AHI1: variants seen among roughly 807,000 people sequenced by gnomAD.
AHI1 encodes the protein Abelson helper integration site 1, also known as jouberin.
Under a neutral mutation model 149.3 loss-of-function variants are expected in AHI1, and 123 were observed. The observed-to-expected ratio is 0.82, with a 90% CI of 0.71 to 0.96. The LOEUF (loss-of-function observed/expected upper bound fraction) is 0.96, where lower values mean the gene tolerates loss of function less well. Ranked by LOEUF, AHI1 falls within the 40% of genes least tolerant of loss-of-function variation. The pLI is 0.00. For missense variants in AHI1, 1,439 were observed against 1,422.7 expected, an observed-to-expected ratio of 1.01 and a Z score of -0.18; for synonymous variants, 475 against 459.8, an observed-to-expected ratio of 1.03 and a Z score of -0.42.
intron 24 of AHI1, among the ~76,000 whole-genome samples, chr6:135,354,466 C>G (rs1300112299): frequency 6.6e-6 from 1 of 152,112 alleles, no homozygotes; most frequent in Non-Finnish European, 1.5e-5. Context: ...TGACTGTACA[C>G]TGAAAGGTAG....
chr6:135,490,088 T>C, intron 5 of AHI1: 1 of 694,458 alleles, frequency 1.4e-6, no homozygotes, highest in Non-Finnish European at 2.7e-6. Context: ...AGGTTGTAGT[T>C]AGTTGCTGAT....
chr6:135,447,812 G>C (rs1403811412), intron 12 of AHI1, among the ~76,000 whole-genome samples: 1 of 152,148 alleles, frequency 6.6e-6, no homozygotes, highest in Non-Finnish European at 1.5e-5. Flanking sequence ...GAAATCAGGA[G>C]TCTGCAAACT....
Position 135,358,169 on chromosome 6 carries a change from C to T in AHI1, c.3128G>A (p.Arg1043Lys). The T allele has an allele frequency of 6.2e-7, 1 of 1,612,868 alleles. No individual in the cohort carries two copies. The highest frequency in any genetic ancestry group is 8.5e-7 in the Non-Finnish European group (1 of 1,179,368). Residue 1043 changes from arginine to lysine, a missense_variant, in exon 24 of 29, where the codon AGA becomes AAA. By Grantham distance (26) the Arg-to-Lys change is conservative. Coordinates refer to ENST00000265602, the MANE Select transcript of AHI1 (RefSeq NM_001134831.2). ...ATCTACCTGATGGTTACAAGGCTTTCTTTCTATGCTGATAATCCCTGTGGA... is the reference window on the plus strand; with the variant it reads ...ATCTACCTGATGGTTACAAGGCTTTTTTTCTATGCTGATAATCCCTGTGGA... ...FTQTGIISIE[R>K]KPCNHQVDTA...
At position 135,411,512 on chromosome 6, in the gene AHI1, A is replaced by G. The variant is rs1781590451; in HGVS notation, c.2797T>C (p.Tyr933His). 10 of 1,603,940 alleles carry G rather than the reference A, an allele frequency of 6.2e-6. No homozygotes were observed. The highest frequency in any genetic ancestry group is 2.7e-5 in the African/African-American group (2 of 74,648). ...AQQEAEMFKRYNGTFPLPGIH... is the reference protein window; with the variant it reads ...AQQEAEMFKRHNGTFPLPGIH... ...CCAGGTAATGGAAATGTTCCATTGT[A>G]GCGTTTGAACATTTCAGCCTCCTGC... is the stretch of plus-strand genomic sequence containing the variant. Residue 933 changes from tyrosine to histidine, a missense_variant, in exon 21 of 29, where the codon TAC becomes CAC. Coordinates refer to ENST00000265602, the MANE Select transcript of AHI1 (RefSeq NM_001134831.2).
chr6:135,457,675 G>A lies in AHI1; in HGVS notation c.970C>T (p.His324Tyr). ...GGGCTATCTCGGCTTGTTATTTCATGAACACCATCACCATCAACATCTTCA... is the reference window on the plus strand; with the variant it reads ...GGGCTATCTCGGCTTGTTATTTCATAAACACCATCACCATCAACATCTTCA... Reference protein sequence around the residue: ...NNEDVDGDGVHEITSRDSPVY... With the variant: ...NNEDVDGDGVYEITSRDSPVY... Residue 324 changes from histidine (H) to tyrosine (Y), a missense_variant, in exon 9 of 29, where the codon CAT becomes TAT. Coordinates refer to ENST00000265602, the MANE Select transcript of AHI1 (RefSeq NM_001134831.2). 1 of 1,613,774 alleles carries A rather than the reference G, an allele frequency of 6.2e-7. No individual in the cohort carries two copies. Among genetic ancestry groups the A allele is most frequent in the Non-Finnish European group, 8.5e-7 (1 of 1,179,822 alleles).
rs577197328 is a variant in AHI1, at chr6:135,420,487, A to G, written c.2764+6680T>C. On this transcript the variant is annotated intron_variant, in intron 20 of 28. Coordinates refer to ENST00000265602, the MANE Select transcript of AHI1 (RefSeq NM_001134831.2). ...GTGGTTTACTGTAGCCACCTTCATC[A>G]ATGATCTCAGCTAGATCTTCTGGAT... Among the ~76,000 whole-genome samples, 14 of 152,284 alleles carry G rather than the reference A, an allele frequency of 9.2e-5. No individual in the cohort carries two copies. The South Asian group carries it at 2.7e-3, about 29-fold the overall frequency.
At chr6:135,350,707 T>C (rs978512898) in intron 24 of AHI1, among the ~76,000 whole-genome samples, 1 of 152,166 alleles carries the variant, frequency 6.6e-6, no homozygotes, top group Non-Finnish European at 1.5e-5. Context: ...AAAGGCCTAT[T>C]ATGCAAAAGG....
chr6:135,405,398 AAAT>A (rs1339704271), intron 21 of AHI1, among the ~76,000 whole-genome samples: 4 of 152,208 alleles, frequency 2.6e-5, no homozygotes, highest in African/African-American at 9.7e-5. Context: ...ATTAAATAGT[AAAT>A]ACTACTAAAT....
At chr6:135,435,394 A>C (rs2128029629) in intron 15 of AHI1, among the ~76,000 whole-genome samples, 1 of 152,332 alleles carries the variant, frequency 6.6e-6, no homozygotes, top group African/African-American at 2.4e-5. Context: ...ATAACTACAA[A>C]CCTATGAGAG....
At chr6:135,301,051 C>T (rs1783815557) in intron 26 of AHI1, 5 of 984,742 alleles carry the variant, frequency 5.1e-6, no homozygotes, top group African/African-American at 1.8e-5. Flanking sequence ...TTAATGGCAC[C>T]TTCGTGAGAA....
At chr6:135,430,059 G>T in intron 17 of AHI1, 59 bp from the exon 18 acceptor site, 2 of 902,830 alleles carry the variant, frequency 2.2e-6, no homozygotes, top group Non-Finnish European at 3.4e-6. Context: ...AAACTTTTTT[G>T]GGGGTACAAA....
chr6:135,310,534 T>C (rs1785053142), intron 26 of AHI1, among the ~76,000 whole-genome samples: 1 of 152,212 alleles, frequency 6.6e-6, no homozygotes, highest in South Asian at 2.1e-4. Flanking sequence ...TGGTTTAGAA[T>C]AGTCTGTCCT....
intron 8 of AHI1, among the ~76,000 whole-genome samples, chr6:135,459,921 A>T (rs1453251918): frequency 1.3e-5 from 2 of 152,168 alleles, no homozygotes; most frequent in African/African-American, 4.8e-5. Context: ...GTGGGCCGCG[A>T]TAGCTCACAT....
intron 24 of AHI1, among the ~76,000 whole-genome samples, chr6:135,357,159 A>G (rs1443273819): frequency 1.3e-5 from 2 of 152,236 alleles, no homozygotes; most frequent in South Asian, 2.1e-4. Flanking sequence ...GGATGGTCTC[A>G]ATCTCCTGAC....
rs1005556949 is a variant in AHI1, at chr6:135,495,914, A to G, written c.-139-16T>C. ...TATTTTAGTACTGTAAGGAGAAGAG[A>G]AAATACCAAAAAGCAAAGTAATCAG... On this transcript the variant is annotated splice_polypyrimidine_tract_variant and intron_variant, in intron 2 of 28. Transcript: ENST00000265602. 3 of 152,224 alleles carry G rather than the reference A, an allele frequency of 2.0e-5. No individual in the cohort carries two copies. The highest frequency in any genetic ancestry group is 4.4e-5 in the Non-Finnish European group (3 of 68,038). 9.4% of individuals were successfully genotyped at this position (152,224 alleles called of 1,614,324 possible). A position where few individuals can be genotyped will look rare whatever the true frequency, so the allele number is the denominator to read the frequency against.
rs1033654140 is a variant in AHI1 at position 135,422,444 on chromosome 6, C to T, written c.2764+4723G>A. On this transcript the variant is annotated intron_variant, in intron 20 of 28. Transcript: ENST00000265602. ...CTGCTTGAACCCAGGAGGTTGAGGC[C>T]GCAGTGAGCTGTGATTGTGCTACTG... Among the ~76,000 whole-genome samples, 11 of 151,248 alleles carry T rather than the reference C, an allele frequency of 7.3e-5. No individual in the cohort carries two copies. In the East Asian group the frequency reaches 7.8e-4, roughly 11 times the overall value.
chr6:135,333,756 T>G (rs1045242074), intron 24 of AHI1, among the ~76,000 whole-genome samples: 4 of 152,184 alleles, frequency 2.6e-5, no homozygotes, highest in African/African-American at 9.6e-5. Context: ...TCCAGTCCTG[T>G]GTAGGCCTCC....
At chr6:135,414,121 GATAA>G (rs1474064502) in intron 20 of AHI1, among the ~76,000 whole-genome samples, 2 of 152,122 alleles carry the variant, frequency 1.3e-5, no homozygotes, top group African/African-American at 2.4e-5. Context: ...CTGGCATAAA[GATAA>G]ATAAACAGAT....
intron 23 of AHI1, among the ~76,000 whole-genome samples, chr6:135,373,620 CTA>C (rs1272278522): frequency 6.6e-6 from 1 of 151,990 alleles, no homozygotes; most frequent in Non-Finnish European, 1.5e-5. Flanking sequence ...TCCATTGTAC[CTA>C]ATCTGAACAG....
Sources: gnomAD v4.1 joint callset for allele counts (sites outside exome capture counted in the v4.1 genomes callset) on GRCh38, gnomAD v4.1.1 for gene constraint, MANE v1.5 for transcripts, NCBI Gene and HGNC (gene_info 2026-07-23, HGNC 2026-07-21) for gene names.